ANKRD36B: variants seen among roughly 807,000 people sequenced by gnomAD.
ANKRD36B encodes ankyrin repeat domain 36B.
A neutral mutation model predicts 135.7 loss-of-function variants in ANKRD36B; 37 were observed. The observed-to-expected ratio is 0.27, with a 90% CI of 0.21 to 0.36. The LOEUF is 0.36. Among genes scored for constraint, ANKRD36B ranks in the 10% least tolerant of loss-of-function variants. The pLI, the probability that ANKRD36B is intolerant of heterozygous loss-of-function variation, is 1.00. For missense variants in ANKRD36B, 549 were observed against 1,037.1 expected (o/e 0.53, Z 6.46); for synonymous variants, 179 against 348.1 (o/e 0.51, Z 5.41).
At chr2:97,526,634 G>A (rs1239086493) in intron 35 of ANKRD36B, among the ~76,000 whole-genome samples, 1 of 96,586 alleles carries the variant, frequency 1.0e-5, no homozygotes, top group African/African-American at 3.1e-5. Flanking sequence ...CAAACCAAAG[G>A]CAAAGAAGTT....
Position 97,589,726 on chromosome 2 carries a change from G to A in ANKRD36B, c.-41C>T, listed in dbSNP as rs117911431. ...CTCCCGCTCGTCGTCTTCCTTAATCGTCGGCTGCAAATTGTAGCCTGCAGC... is the reference window on the plus strand; with the variant it reads ...CTCCCGCTCGTCGTCTTCCTTAATCATCGGCTGCAAATTGTAGCCTGCAGC... On this transcript the variant is annotated 5_prime_UTR_variant, in exon 1 of 44. The change creates a new upstream start codon in the 5' untranslated region. Transcript: ENST00000359901. 3.1e-6 allele frequency: 5 copies of A among 1,612,924 alleles called. No homozygotes were observed. Among genetic ancestry groups the A allele is most frequent in the African/African-American group, 1.3e-5 (1 of 74,756 alleles).
intron 3 of ANKRD36B, among the ~76,000 whole-genome samples, chr2:97,581,298 G>A (rs1170251442): frequency 6.6e-6 from 1 of 152,002 alleles, no homozygotes. Context: ...CTCTTCTATC[G>A]ATGGTGTGAG....
In ANKRD36B at chr2:97,558,881, A is replaced by G. The variant is rs1026709133; in HGVS notation, c.895-10T>C. On this transcript the variant is annotated splice_polypyrimidine_tract_variant and intron_variant, in intron 9 of 43. Transcript: ENST00000359901. The stretch of plus-strand genomic sequence containing the variant: ...TCTCGTCACTTGTAGCCTGAATGGG[A>G]TTTGAAACAAAATAATCAATATGTA... 1.2e-6 allele frequency: 2 copies of G among 1,610,504 alleles called. No homozygotes were observed. The highest frequency in any genetic ancestry group is 1.7e-5 in the Admixed American group (1 of 59,790).
rs2079066972 is a variant in ANKRD36B at position 97,539,953 on chromosome 2, C to A, written c.1987+81G>T. ...ATCGGAATGTGCAGCTGCGACGAACCCCCCCGCTGATTTATTTGGGGAAGA... is the reference window on the plus strand; with the variant it reads ...ATCGGAATGTGCAGCTGCGACGAACACCCCCGCTGATTTATTTGGGGAAGA... On this transcript the variant is annotated intron_variant, in intron 30 of 43. Transcript: ENST00000359901. 2.2e-5 allele frequency: 14 copies of A among 637,568 alleles called. 4 individuals carry two copies. The highest frequency in any genetic ancestry group is 1.6e-4 in the South Asian group (11 of 68,850). 39.5% of individuals were successfully genotyped at this position (637,568 alleles called of 1,614,324 possible).
At position 97,545,814 on chromosome 2, in the gene ANKRD36B, CAA is replaced by C. The variant is rs1218069844; in HGVS notation, c.1608+17_1608+18del. ...ACTATACAGTTAATAGTTCAAAATA[CAA>C]AAGAGAGTTTAATTACCTTCAAGGA... On this transcript the variant is annotated intron_variant, in intron 23 of 43. Transcript: ENST00000359901. The C allele has an allele frequency of 9.4e-6, 9 of 961,712 alleles. 2 individuals are homozygous for C. Among genetic ancestry groups the C allele is most frequent in the Middle Eastern group, 2.2e-4 (1 of 4,606 alleles). The allele number at this position is 961,712 out of a possible 1,614,324, so 59.6% of individuals were successfully genotyped here.
At chr2:97,553,460 C>G in intron 14 of ANKRD36B, 89 bp from the exon 15 acceptor site, 1 of 1,439,052 alleles carries the variant, frequency 6.9e-7, no homozygotes, top group South Asian at 1.2e-5. Flanking sequence ...AAGCTGTATC[C>G]GCCTGCCTGT....
chr2:97,529,498 CAGGGA>C lies in ANKRD36B; in HGVS notation c.2265+2808_2265+2812del, dbSNP rs2078438030. Among the ~76,000 whole-genome samples the C allele has an allele frequency of 7.5e-5, 7 of 93,692 alleles. 1 individual carries two copies. In the South Asian group the frequency reaches 1.7e-3, roughly 23 times the overall value. The allele number at this position is 93,692 out of a possible 152,430, so 61.5% of individuals were successfully genotyped here. A position where few individuals can be genotyped will look rare whatever the true frequency, so the allele number is the denominator to read the frequency against. On this transcript the variant is annotated intron_variant, in intron 35 of 43. Coordinates refer to ENST00000359901, the MANE Select transcript of ANKRD36B (RefSeq NM_001393939.1). ...ATTCCCTTTGAAAACTGGCACAAGA[CAGGGA>C]TGCCCTCTCTCACCACTCCTATTCA...
chr2:97,566,012 T>C (rs2081399665), intron 6 of ANKRD36B, among the ~76,000 whole-genome samples: 1 of 151,658 alleles, frequency 6.6e-6, no homozygotes, highest in Admixed American at 6.6e-5. Context: ...CAAGACTCTT[T>C]ATTAAAAAAA....
At chr2:97,586,217 A>T (rs1357757201) in intron 1 of ANKRD36B, among the ~76,000 whole-genome samples, 1 of 152,222 alleles carries the variant, frequency 6.6e-6, no homozygotes, top group Non-Finnish European at 1.5e-5. Flanking sequence ...TTTCAAAAAA[A>T]AATAATCCAA....
rs541355872 is a variant in ANKRD36B, at chr2:97,536,089, A to C, written c.2191+211T>G. Among the ~76,000 whole-genome samples, 33 of 96,424 alleles carry C rather than the reference A, an allele frequency of 3.4e-4. 11 individuals carry two copies. Among genetic ancestry groups the C allele is most frequent in the South Asian group, 1.6e-3 (7 of 4,286 alleles). 63.3% of individuals were successfully genotyped at this position (96,424 alleles called of 152,430 possible). ...TCCAAAAACAAAAAACAAAACAAAA[A>C]AAAAAACCTTATGTTTTAAAAATGT... On this transcript the variant is annotated intron_variant, in intron 34 of 43. Transcript: ENST00000359901.
chr2:97,582,214 T>C (rs546197772), intron 3 of ANKRD36B, among the ~76,000 whole-genome samples: 1 of 152,262 alleles, frequency 6.6e-6, no homozygotes, highest in South Asian at 2.1e-4. Context: ...AAAGCTTACA[T>C]GCATTCTAAT....
chr2:97,566,140 C>T (rs562296641), intron 6 of ANKRD36B, among the ~76,000 whole-genome samples: 2 of 139,904 alleles, frequency 1.4e-5, no homozygotes, highest in East Asian at 4.0e-4. Flanking sequence ...CATGGTGAAA[C>T]CCCATCTCAA....
chr2:97,580,597 C>T (rs1299181102), intron 3 of ANKRD36B, 29 bp from the exon 4 acceptor site: 1 of 1,521,118 alleles, frequency 6.6e-7, no homozygotes, highest in Non-Finnish European at 8.9e-7. Context: ...AATTTATAAT[C>T]ACAAAATTAC....
Position 97,573,341 on chromosome 2 carries a change from C to A in ANKRD36B, c.763+3038G>T, listed in dbSNP as rs532344546. On this transcript the variant is annotated intron_variant, in intron 6 of 43. Transcript: ENST00000359901. ...TTGGACATTTGGGTTGGTTCCATGT[C>A]TTTGCTATTGTGAATAGCTACAAAC... 6.6e-5 allele frequency among the ~76,000 whole-genome samples: 10 copies of A among 152,142 alleles called. No individual in the cohort carries two copies. The East Asian group carries it at 1.9e-3, about 29-fold the overall frequency.
At position 97,556,991 on chromosome 2, in the gene ANKRD36B, C is replaced by T. The variant is rs371391354; in HGVS notation, c.1015G>A (p.Val339Ile). 60 of 1,573,710 alleles carry T rather than the reference C, an allele frequency of 3.8e-5. No individual in the cohort carries two copies. In the East Asian group the frequency reaches 6.8e-4, roughly 18 times the overall value. ...CTTGTGGCAATATTCAAAAGAGAAA[C>T]TTTCTTTTTAAATATAACCTGAATG... ...SAQKVIFKKK[V>I]SLLNIATRIM... Residue 339 changes from valine (V) to isoleucine (I), a missense_variant, in exon 12 of 44, where the codon GTT (valine) becomes ATT (isoleucine). Transcript: ENST00000359901.
In ANKRD36B at chr2:97,558,960, A is replaced by C. The variant is rs1319892339; in HGVS notation, c.894+6T>G. ...TAGTTCAACATATAAATGAGACTTTAATTACCTTCTCAGCTGGTTGTTTCT... is the reference window on the plus strand; with the variant it reads ...TAGTTCAACATATAAATGAGACTTTCATTACCTTCTCAGCTGGTTGTTTCT... On this transcript the variant is annotated splice_donor_region_variant and intron_variant, in intron 9 of 43. Coordinates refer to ENST00000359901, the MANE Select transcript of ANKRD36B (RefSeq NM_001393939.1). 6.2e-7 allele frequency: 1 copy of C among 1,604,046 alleles called. No individual in the cohort carries two copies. Among genetic ancestry groups the C allele is most frequent in the Non-Finnish European group, 8.5e-7 (1 of 1,178,628 alleles).
chr2:97,569,411 G>T (rs1209664647), intron 6 of ANKRD36B, among the ~76,000 whole-genome samples: 1 of 152,132 alleles, frequency 6.6e-6, no homozygotes, highest in East Asian at 1.9e-4. Flanking sequence ...GTTGACAGGG[G>T]TTAATTGTGA....
chr2:97,562,099 TCTCA>T (rs1443642253), intron 6 of ANKRD36B, among the ~76,000 whole-genome samples: 1 of 151,940 alleles, frequency 6.6e-6, no homozygotes, highest in Non-Finnish European at 1.5e-5. Flanking sequence ...AGTTCTACCT[TCTCA>T]CTGTCTCTTC....
At chr2:97,513,154 T>C (rs1453925951) in intron 38 of ANKRD36B, 26 bp downstream of exon 38, 5 of 1,390,486 alleles carry the variant, frequency 3.6e-6, no homozygotes, top group South Asian at 2.7e-5. Flanking sequence ...AGTAGAAATA[T>C]GAAGTTTTAC....
Sources: gnomAD v4.1 joint callset for allele counts (sites outside exome capture counted in the v4.1 genomes callset) on GRCh38, gnomAD v4.1.1 for gene constraint, MANE v1.5 for transcripts, NCBI Gene and HGNC (gene_info 2026-07-23, HGNC 2026-07-21) for gene names.